Variants in MYO7A observed in about 807,000 individuals in gnomAD.
The protein encoded by MYO7A is myosin VIIA.
MYO7A carries 210 observed loss-of-function variants against 263.8 expected under a neutral mutation model. The observed-to-expected ratio is 0.80, with a 90% CI of 0.71 to 0.89. The LOEUF is 0.89. Among genes scored for constraint, MYO7A ranks in the 40% least tolerant of loss-of-function variants. The pLI is 0.00. For missense variants in MYO7A, 2,820 were observed against 2,968.3 expected, an observed-to-expected ratio of 0.95 and a Z score of 1.16; for synonymous variants, 1,239 against 1,197.3, an observed-to-expected ratio of 1.03 and a Z score of -0.72.
intron 18 of MYO7A, among the ~76,000 whole-genome samples, chr11:77,176,384 C>T (rs1954658529): frequency 6.6e-6 from 1 of 152,212 alleles, no homozygotes; most frequent in Non-Finnish European, 1.5e-5. Flanking sequence ...TGGGTGGGTG[C>T]TTTTCATCCA....
chr11:77,182,911 G>A (rs782816936), intron 25 of MYO7A, 157 bp from the exon 26 acceptor site: 14 of 747,920 alleles, frequency 1.9e-5, no homozygotes, highest in Non-Finnish European at 2.3e-5. Context: ...TAGTGGGGGT[G>A]CAAGGGTAGG....
intron 33 of MYO7A, 91 bp downstream of exon 33, chr11:77,197,689 C>G: frequency 1.4e-6 from 1 of 737,858 alleles, no homozygotes; most frequent in Non-Finnish European, 2.4e-6. Context: ...GCCTGCAATG[C>G]TCCCAGTCCC....
At position 77,202,301 on chromosome 11, in the gene MYO7A, C is replaced by A; in HGVS notation, c.5045C>A (p.Ala1682Asp). 6.3e-7 allele frequency: 1 copy of A among 1,585,030 alleles called. No individual in the cohort carries two copies. ...TVTMPPREIVALVTMTPDQRQ... is the reference protein window; with the variant it reads ...TVTMPPREIVDLVTMTPDQRQ... ...AGCCCCCTGTCTCTTGGTCCCTAGGCCCTGGTCACCATGACTCCCGATCAG... is the reference window on the plus strand; with the variant it reads ...AGCCCCCTGTCTCTTGGTCCCTAGGACCTGGTCACCATGACTCCCGATCAG... Residue 1682 changes from alanine (A) to aspartate (D), a missense_variant and splice_region_variant, in exon 37 of 49, where the codon GCC becomes GAC. Physicochemically the swap from Ala to Asp is moderately radical, Grantham distance 126. Transcript: ENST00000409709.
In MYO7A at chr11:77,211,255, A is replaced by C; in HGVS notation, c.6155A>C (p.Tyr2052Ser). 1 of 1,582,120 alleles carries C rather than the reference A, an allele frequency of 6.3e-7. No individual in the cohort carries two copies. Among genetic ancestry groups the C allele is most frequent in the South Asian group, 1.2e-5 (1 of 86,014 alleles). Reference protein sequence around the residue: ...YRVKFEEDKSYFPSIPKLLRE... With the variant: ...YRVKFEEDKSSFPSIPKLLRE... ...GTCAAGTTCGAGGAGGACAAGTCCTACTTCCCCAGCATCCCCAAGCTGCTG... is the reference window on the plus strand; with the variant it reads ...GTCAAGTTCGAGGAGGACAAGTCCTCCTTCCCCAGCATCCCCAAGCTGCTG... The change falls in exon 45 of 49, where the codon TAC becomes TCC. Residue 2052 changes from tyrosine to serine, a missense_variant. Coordinates refer to ENST00000409709, the MANE Select transcript of MYO7A (RefSeq NM_000260.4).
intron 3 of MYO7A, among the ~76,000 whole-genome samples, chr11:77,146,299 G>A (rs1333579757): frequency 1.3e-5 from 2 of 152,184 alleles, no homozygotes; most frequent in Admixed American, 6.5e-5. Context: ...TTGATGCCAG[G>A]CTGAGGAGCC....
chr11:77,203,304 T>A, intron 38 of MYO7A, 87 bp downstream of exon 38: 1 of 1,441,506 alleles, frequency 6.9e-7, no homozygotes. Context: ...GAGGGCCTGC[T>A]GCGACCCGGG....
At chr11:77,131,842 C>T (rs1166014179) in intron 2 of MYO7A, among the ~76,000 whole-genome samples, 6 of 152,210 alleles carry the variant, frequency 3.9e-5, no homozygotes, top group Non-Finnish European at 8.8e-5. Context: ...GAAGAAAGCC[C>T]CAGCCCTGGG....
intron 14 of MYO7A, 65 bp from the exon 15 acceptor site, chr11:77,165,991 A>T: frequency 8.4e-7 from 1 of 1,193,510 alleles, no homozygotes; most frequent in Non-Finnish European, 1.2e-6. Flanking sequence ...CCTGGCTCAG[A>T]TGTTATGGGT....
intron 3 of MYO7A, among the ~76,000 whole-genome samples, chr11:77,145,955 TC>T (rs1951531067): frequency 6.6e-6 from 1 of 152,166 alleles, no homozygotes; most frequent in African/African-American, 2.4e-5. Context: ...TCCCCCGCAG[TC>T]ACCAGCCAGC....
intron 15 of MYO7A, 59 bp from the exon 16 acceptor site, chr11:77,172,689 C>T (rs1954214118): frequency 1.3e-6 from 2 of 1,543,732 alleles, no homozygotes; most frequent in Non-Finnish European, 1.7e-6. Flanking sequence ...CTGGGCGGCT[C>T]CTGGGACACT....
At chr11:77,167,628 C>G (rs1953676955) in intron 15 of MYO7A, among the ~76,000 whole-genome samples, 1 of 152,142 alleles carries the variant, frequency 6.6e-6, no homozygotes, top group Non-Finnish European at 1.5e-5. Context: ...TTAGCAACAG[C>G]ATGGTGCTGC....
intron 2 of MYO7A, among the ~76,000 whole-genome samples, chr11:77,133,231 G>A (rs1555046507): frequency 6.6e-6 from 1 of 152,158 alleles, no homozygotes; most frequent in African/African-American, 2.4e-5. Context: ...TGAGGTCTCT[G>A]GAAGAAGGAC....
At chr11:77,168,137 C>A (rs1306496446) in intron 15 of MYO7A, among the ~76,000 whole-genome samples, 1 of 152,150 alleles carries the variant, frequency 6.6e-6, no homozygotes, top group Non-Finnish European at 1.5e-5. Flanking sequence ...TCTGGTTAAA[C>A]CCCATCTTCC....
intron 4 of MYO7A, among the ~76,000 whole-genome samples, chr11:77,154,498 C>G (rs534307796): frequency 2.6e-5 from 4 of 152,328 alleles, no homozygotes; most frequent in African/African-American, 9.6e-5. Flanking sequence ...TTTGCTTCTG[C>G]TCTGCACTTT....
chr11:77,153,595 C>T (rs1335795424), intron 4 of MYO7A, among the ~76,000 whole-genome samples: 1 of 152,162 alleles, frequency 6.6e-6, no homozygotes, highest in Non-Finnish European at 1.5e-5. Flanking sequence ...AGAGCCTGCT[C>T]CCAGGGCCTC....
chr11:77,173,363 T>C (rs1954311555), intron 16 of MYO7A, among the ~76,000 whole-genome samples: 1 of 152,200 alleles, frequency 6.6e-6, no homozygotes, highest in South Asian at 2.1e-4. Context: ...GCCTCCCCCA[T>C]CTCTTCAGCT....
At chr11:77,143,183 G>A (rs149737626) in intron 3 of MYO7A, among the ~76,000 whole-genome samples, 4 of 152,280 alleles carry the variant, frequency 2.6e-5, no homozygotes, top group Admixed American at 6.5e-5. Context: ...TGTTAGCTGC[G>A]CAAACTTGGC....
intron 29 of MYO7A, among the ~76,000 whole-genome samples, 198 bp from the exon 30 acceptor site, chr11:77,190,499 C>T (rs534153494): frequency 2.6e-5 from 4 of 152,252 alleles, no homozygotes; most frequent in African/African-American, 9.6e-5. Context: ...CTCAGGGGTC[C>T]TAAAGGTCCC....
intron 27 of MYO7A, among the ~76,000 whole-genome samples, chr11:77,188,264 G>C (rs1955785339): frequency 6.6e-6 from 1 of 152,208 alleles, no homozygotes. Flanking sequence ...GGATGTTTCT[G>C]AAGCTAAACT....
Sources: gnomAD v4.1 joint callset for allele counts (sites outside exome capture counted in the v4.1 genomes callset) on GRCh38, gnomAD v4.1.1 for gene constraint, MANE v1.5 for transcripts, NCBI Gene and HGNC (gene_info 2026-07-23, HGNC 2026-07-21) for gene names.